The following PTPN12 variants were observed in gnomAD, a reference collection of about 807,000 sequenced individuals.
The protein encoded by PTPN12 is protein tyrosine phosphatase non-receptor type 12, also known as tyrosine-protein phosphatase non-receptor type 12.
PTPN12 carries 29 observed loss-of-function variants against 97.6 expected under a neutral mutation model. That is an observed-to-expected ratio of 0.30 (90% CI 0.22 to 0.41). The LOEUF is 0.41. Ranked by LOEUF, PTPN12 falls within the 10% of genes least tolerant of loss-of-function variation. PTPN12 has a pLI of 1.00. For missense variants in PTPN12, 819 were observed against 926.0 expected (o/e 0.88, Z 1.50); for synonymous variants, 327 against 300.4 (o/e 1.09, Z -0.91).
intron 8 of PTPN12, among the ~76,000 whole-genome samples, chr7:77,605,414 T>TTTTTG (rs1562743322): frequency 1.2e-4 from 14 of 119,748 alleles, no homozygotes; most frequent in African/African-American, 4.3e-4. Flanking sequence ...CATGAGTTTT[T>TTTTTG]TTTTTTTTTT....
intron 1 of PTPN12, among the ~76,000 whole-genome samples, chr7:77,549,048 A>T (rs1171226322): frequency 6.6e-6 from 1 of 152,200 alleles, no homozygotes; most frequent in African/African-American, 2.4e-5. Flanking sequence ...ATCTCAAATT[A>T]TGGAAAGAGC....
intron 1 of PTPN12, among the ~76,000 whole-genome samples, chr7:77,547,891 TAAG>T (rs948015738): frequency 4.7e-4 from 71 of 152,330 alleles, no homozygotes; most frequent in African/African-American, 1.6e-3. Context: ...GTGTATAAAA[TAAG>T]AAAATCTTAT....
At chr7:77,561,784 T>TTAATTTTA (rs1491146146) in intron 1 of PTPN12, among the ~76,000 whole-genome samples, 1 of 139,728 alleles carries the variant, frequency 7.2e-6, no homozygotes, top group Non-Finnish European at 1.5e-5. Context: ...AATTAATTAA[T>TTAATTTTA]TTTATTTATT....
At chr7:77,602,352 C>T (rs748896235) in intron 8 of PTPN12, among the ~76,000 whole-genome samples, 1 of 151,848 alleles carries the variant, frequency 6.6e-6, no homozygotes, top group Non-Finnish European at 1.5e-5. Context: ...TATATGTATA[C>T]ATTATATGTA....
chr7:77,614,939 G>A (rs962340957), intron 11 of PTPN12, among the ~76,000 whole-genome samples: 1 of 152,136 alleles, frequency 6.6e-6, no homozygotes, highest in Admixed American at 6.5e-5. Flanking sequence ...ATACTAGTTG[G>A]TTGTTTAAGA....
chr7:77,607,480 C>A, intron 9 of PTPN12, 179 bp downstream of exon 9: 1 of 472,398 alleles, frequency 2.1e-6, no homozygotes, highest in Non-Finnish European at 3.6e-6. Context: ...CGCCTGTAAT[C>A]CTAGCACTTT....
In PTPN12 at chr7:77,625,472, G is replaced by GCTCTCTCTCTCTCTCTCTCTCTCTCT. The variant is rs775712037; in HGVS notation, c.1026-1207_1026-1182dup. On this transcript the variant is annotated intron_variant, in intron 12 of 17. Transcript: ENST00000248594. ...TTTTGCCATATTGCCCAGGCTGCTC[G>GCTCTCTCTCTCTCTCTCTCTCTCTCT]CTCTCTCTCTCTCTCTCTCTCTCTC... 5.7e-4 allele frequency among the ~76,000 whole-genome samples: 19 copies of GCTCTCTCTCTCTCTCTCTCTCTCTCT among 33,522 alleles called. 1 individual carries two copies. The highest frequency in any genetic ancestry group is 7.5e-4 in the Non-Finnish European group (15 of 20,018). 22.0% of individuals were successfully genotyped at this position (33,522 alleles called of 152,430 possible).
At chr7:77,565,391 G>T (rs1405027812) in intron 1 of PTPN12, among the ~76,000 whole-genome samples, 3 of 152,214 alleles carry the variant, frequency 2.0e-5, no homozygotes, top group African/African-American at 7.2e-5. Flanking sequence ...ATGGGGAGAA[G>T]AGCGAGATAA....
chr7:77,538,333 G>A (rs1443554253), intron 1 of PTPN12, among the ~76,000 whole-genome samples: 1 of 152,062 alleles, frequency 6.6e-6, no homozygotes, highest in Non-Finnish European at 1.5e-5. Flanking sequence ...ATAGGTTCAG[G>A]GGATAAGTGT....
At chr7:77,612,854 C>T (rs1463967138) in intron 11 of PTPN12, among the ~76,000 whole-genome samples, 1 of 151,796 alleles carries the variant, frequency 6.6e-6, no homozygotes, top group East Asian at 1.9e-4. Context: ...GTGGCGCAAC[C>T]TCTGCCTCCC....
chr7:77,547,975 A>C (rs1019316289), intron 1 of PTPN12, among the ~76,000 whole-genome samples: 5 of 152,184 alleles, frequency 3.3e-5, no homozygotes, highest in Non-Finnish European at 7.3e-5. Context: ...TGTGTTCCTG[A>C]GTGTTTTGAT....
rs1174278228 is a variant in PTPN12, at chr7:77,592,168, T to G, written c.421-17T>G. 6 of 1,597,642 alleles carry G rather than the reference T, an allele frequency of 3.8e-6. No homozygotes were observed. In the South Asian group the frequency reaches 6.8e-5, roughly 18 times the overall value. ...ACTTACATGAATTACTTACTAATTT[T>G]TTTTTTTGGATGACAGAAAAAATGT... On this transcript the variant is annotated splice_polypyrimidine_tract_variant and intron_variant, in intron 5 of 17. Coordinates refer to ENST00000248594, the MANE Select transcript of PTPN12 (RefSeq NM_002835.4).
chr7:77,635,057 C>G (rs1013706766), intron 14 of PTPN12, among the ~76,000 whole-genome samples: 3 of 151,764 alleles, frequency 2.0e-5, no homozygotes, highest in Non-Finnish European at 4.4e-5. Flanking sequence ...GTTGGCCAGG[C>G]TGGTCTTGAA....
At chr7:77,634,956 T>C (rs1789537478) in intron 14 of PTPN12, among the ~76,000 whole-genome samples, 2 of 152,142 alleles carry the variant, frequency 1.3e-5, no homozygotes, top group African/African-American at 2.4e-5. Context: ...GCTCAAGCTG[T>C]TCTCCTGCCT....
At chr7:77,620,945 C>T (rs1788911788) in intron 12 of PTPN12, among the ~76,000 whole-genome samples, 1 of 151,192 alleles carries the variant, frequency 6.6e-6, no homozygotes, top group Non-Finnish European at 1.5e-5. Context: ...GAGACTTTGT[C>T]TCAAAAATAA....
chr7:77,601,095 C>G (rs144264445), intron 8 of PTPN12: 137 of 232,292 alleles, frequency 5.9e-4, no homozygotes, highest in Admixed American at 2.8e-3. Context: ...ATCTCAGATC[C>G]TCATCATACT....
At chr7:77,537,794 A>G in intron 1 of PTPN12, 149 bp downstream of exon 1, 1 of 902,966 alleles carries the variant, frequency 1.1e-6, no homozygotes, top group Non-Finnish European at 1.5e-6. Context: ...GTGGTCTCGG[A>G]GGCCAGCGGG....
intron 13 of PTPN12, among the ~76,000 whole-genome samples, chr7:77,628,479 C>G (rs1789280187): frequency 6.6e-6 from 1 of 151,882 alleles, no homozygotes; most frequent in Admixed American, 6.6e-5. Flanking sequence ...TGGTCACTTA[C>G]CTATCAGTGA....
rs546199467 is a variant in PTPN12, at chr7:77,614,696, G to A, written c.939+3650G>A. Among the ~76,000 whole-genome samples, 15 of 152,236 alleles carry A rather than the reference G, an allele frequency of 9.9e-5. No individual in the cohort carries two copies. The East Asian group carries it at 2.9e-3, about 29-fold the overall frequency. On this transcript the variant is annotated intron_variant, in intron 11 of 17. Coordinates refer to ENST00000248594, the MANE Select transcript of PTPN12 (RefSeq NM_002835.4). ...TCTTTTTATAGGATGGCTGTCTGTG[G>A]TTGCAGACCATAAATCTTAAAGAAA...
Sources: gnomAD v4.1 joint callset for allele counts (sites outside exome capture counted in the v4.1 genomes callset) on GRCh38, gnomAD v4.1.1 for gene constraint, MANE v1.5 for transcripts, NCBI Gene and HGNC (gene_info 2026-07-23, HGNC 2026-07-21) for gene names.